Variants in GANC observed in about 807,000 individuals in gnomAD.
The protein encoded by GANC is neutral alpha-glucosidase C.
In GANC, 117 loss-of-function variants were observed where a neutral mutation model predicts 124.2. That is an observed-to-expected ratio of 0.94 (90% CI 0.81 to 1.10). GANC has a LOEUF of 1.10. Among genes scored for constraint, GANC ranks in the 50% least tolerant of loss-of-function variants. The pLI is 0.00. For missense variants in GANC, 1,140 were observed against 1,095.0 expected, an observed-to-expected ratio of 1.04 and a Z score of -0.58; for synonymous variants, 377 against 376.8, an observed-to-expected ratio of 1.00 and a Z score of -0.01.
intron 19 of GANC, chr15:42,343,403 C>G (rs1404351716): frequency 8.5e-6 from 4 of 468,454 alleles, no homozygotes; most frequent in Admixed American, 6.8e-5. Context: ...CACACTTTGA[C>G]TAGTAAAAGT....
intron 22 of GANC, among the ~76,000 whole-genome samples, chr15:42,351,014 G>A: frequency 6.6e-6 from 1 of 151,872 alleles, no homozygotes; most frequent in Non-Finnish European, 1.5e-5. Flanking sequence ...TGGGACTACA[G>A]GCACCCACCA....
intron 8 of GANC, among the ~76,000 whole-genome samples, chr15:42,309,652 C>T (rs1275535104): frequency 1.3e-5 from 2 of 151,812 alleles, no homozygotes; most frequent in African/African-American, 4.8e-5. Context: ...GAGAAGTACT[C>T]ACAAAATTCA....
In GANC at chr15:42,310,705, C is replaced by A. The variant is rs760610447; in HGVS notation, c.916C>A (p.Gln306Lys). 1.9e-6 allele frequency: 3 copies of A among 1,611,136 alleles called. No individual in the cohort carries two copies. Among genetic ancestry groups the A allele is most frequent in the Non-Finnish European group, 2.5e-6 (3 of 1,177,388 alleles). The change falls in exon 10 of 24, where the codon CAG becomes AAG. Residue 306 changes from glutamine (Q) to lysine (K), a missense_variant. Transcript: ENST00000318010. Reference protein sequence around the residue: ...TEPAVEYTLTQMGPVAAKQKV... With the variant: ...TEPAVEYTLTKMGPVAAKQKV... Reference sequence around the variant, plus strand: ...ATTCTTTTTCCAGTACACACTGACCCAGATGGGCCCAGTTGCTGCTAAACA... The same window carrying A: ...ATTCTTTTTCCAGTACACACTGACCAAGATGGGCCCAGTTGCTGCTAAACA...
At chr15:42,293,413 T>C (rs1241739740) in intron 5 of GANC, among the ~76,000 whole-genome samples, 1 of 152,164 alleles carries the variant, frequency 6.6e-6, no homozygotes, top group Non-Finnish European at 1.5e-5. Context: ...TTTAAATCTT[T>C]TAGTCTATAG....
intron 12 of GANC, 80 bp downstream of exon 12, chr15:42,326,504 C>G: frequency 1.3e-6 from 2 of 1,571,394 alleles, no homozygotes; most frequent in Admixed American, 1.7e-5. Flanking sequence ...TCATTCTGCT[C>G]CCTTGTAGAT....
chr15:42,333,669 A>C (rs2052263383), intron 15 of GANC, among the ~76,000 whole-genome samples: 1 of 152,158 alleles, frequency 6.6e-6, no homozygotes, highest in South Asian at 2.1e-4. Flanking sequence ...CTCATCTATA[A>C]AATTGAGTTT....
At chr15:42,301,350 T>C (rs751066560) in intron 6 of GANC, among the ~76,000 whole-genome samples, 11 of 152,130 alleles carry the variant, frequency 7.2e-5, no homozygotes, top group Non-Finnish European at 1.6e-4. Flanking sequence ...ACTTCTCCCA[T>C]GGTCTTGGTA....
In GANC at chr15:42,287,691, G is replaced by A. The variant is rs1201856906; in HGVS notation, c.202G>A (p.Val68Ile). The A allele has an allele frequency of 1.2e-6, 2 of 1,610,118 alleles. No individual in the cohort carries two copies. Among genetic ancestry groups the A allele is most frequent in the Non-Finnish European group, 1.7e-6 (2 of 1,178,614 alleles). ...GGTAATCTCTTGTATCTGTTTCCAG[G>A]TTCCTCTCCTGGCTGAAATTTATGG... ...RFQIINEASK[V>I]PLLAEIYGIE... The change falls in exon 4 of 24, where the codon GTT (valine) becomes ATT (isoleucine). Residue 68 changes from valine (V) to isoleucine (I), a missense_variant and splice_region_variant. Coordinates refer to ENST00000318010, the MANE Select transcript of GANC (RefSeq NM_198141.3).
intron 10 of GANC, among the ~76,000 whole-genome samples, chr15:42,313,047 A>G (rs569827390): frequency 3.3e-5 from 5 of 152,200 alleles, no homozygotes; most frequent in Admixed American, 6.5e-5. Context: ...TGGCCACCCA[A>G]AACACTGGGA....
rs184850629 is a variant in GANC at position 42,273,913 on chromosome 15, T to G, written c.-569T>G. ...TACACGCGATTCCTAGACTGGGTAG[T>G]GTAACAACCTTCAAAGGCCCCTTCT... On this transcript the variant is annotated 5_prime_UTR_variant, in exon 1 of 24. Coordinates refer to ENST00000318010, the MANE Select transcript of GANC (RefSeq NM_198141.3). 4 of 192,556 alleles carry G rather than the reference T, an allele frequency of 2.1e-5. No homozygotes were observed. The highest frequency in any genetic ancestry group is 9.5e-5 in the African/African-American group (4 of 42,264). The allele number at this position is 192,556 out of a possible 1,614,324, so 11.9% of individuals were successfully genotyped here. A position where few individuals can be genotyped will look rare whatever the true frequency, so the allele number is the denominator to read the frequency against.
chr15:42,274,178 G>A lies in GANC; in HGVS notation c.-304G>A, dbSNP rs2051625179. 5.0e-6 allele frequency: 2 copies of A among 396,150 alleles called. No homozygotes were observed. Among genetic ancestry groups the A allele is most frequent in the African/African-American group, 2.1e-5 (1 of 47,640 alleles). The allele number at this position is 396,150 out of a possible 1,614,324, so 24.5% of individuals were successfully genotyped here. On this transcript the variant is annotated 5_prime_UTR_variant, in exon 1 of 24. Coordinates refer to ENST00000318010, the MANE Select transcript of GANC (RefSeq NM_198141.3). ...ATTTTTACCCTCTAGGACTCATTGC[G>A]TACACGCCCTCACCGCCGCCCAGTT...
rs908953268 is a variant in GANC, at chr15:42,337,179, C to T, written c.1742-1210C>T. Among the ~76,000 whole-genome samples, 14 of 152,250 alleles carry T rather than the reference C, an allele frequency of 9.2e-5. No individual in the cohort carries two copies. In the South Asian group the frequency reaches 1.0e-3, roughly 11 times the overall value. ...AATCATTCTGTCATAAAGACACATG[C>T]GCGTGTATGTTTACTGCAGCACCTG... On this transcript the variant is annotated intron_variant, in intron 15 of 23. Transcript: ENST00000318010.
chr15:42,340,633 A>T, intron 17 of GANC, 57 bp from the exon 18 acceptor site: 14 of 1,113,096 alleles, frequency 1.3e-5, no homozygotes, highest in Non-Finnish European at 1.6e-5. Context: ...AATATAAGTG[A>T]TTGATTGCAA....
intron 4 of GANC, among the ~76,000 whole-genome samples, chr15:42,288,577 A>G (rs557212017): frequency 1.7e-4 from 26 of 152,356 alleles, no homozygotes; most frequent in Admixed American, 5.9e-4. Context: ...AGGTCAATAC[A>G]TTATAATGAG....
At chr15:42,311,769 G>C (rs958006861) in intron 10 of GANC, among the ~76,000 whole-genome samples, 19 of 152,002 alleles carry the variant, frequency 1.2e-4, no homozygotes, top group African/African-American at 4.3e-4. Context: ...CTCCCACCAG[G>C]CTCCTCTTCC....
At chr15:42,341,605 C>A (rs935651759) in intron 18 of GANC, among the ~76,000 whole-genome samples, 1 of 151,780 alleles carries the variant, frequency 6.6e-6, no homozygotes, top group Admixed American at 6.6e-5. Context: ...ACTTTGTCAC[C>A]CAGGCTGGAG....
chr15:42,348,980 A>G (rs1285235243), intron 21 of GANC, among the ~76,000 whole-genome samples: 2 of 152,252 alleles, frequency 1.3e-5, no homozygotes, highest in Admixed American at 1.3e-4. Context: ...AAGGAAGCAG[A>G]TACCATTCTC....
chr15:42,284,076 T>C lies in GANC; in HGVS notation c.202-3615T>C, dbSNP rs764886908. 194 of 684,040 alleles carry C rather than the reference T, an allele frequency of 2.8e-4. 1 individual carries two copies. Among genetic ancestry groups the C allele is most frequent in the Admixed American group, 5.3e-4 (26 of 48,854 alleles). The allele number at this position is 684,040 out of a possible 1,614,324, so 42.4% of individuals were successfully genotyped here. On this transcript the variant is annotated intron_variant, in intron 3 of 23. Transcript: ENST00000318010. Reference sequence around the variant, plus strand: ...GTAGAGGTGGCCACTCACTGTTCTATGTCTTTTAGGTTAACAGTTCTTTAC... The same window carrying C: ...GTAGAGGTGGCCACTCACTGTTCTACGTCTTTTAGGTTAACAGTTCTTTAC...
At position 42,339,764 on chromosome 15, in the gene GANC, A is replaced by T. The variant is rs759163473; in HGVS notation, c.1939A>T (p.Thr647Ser). The T allele has an allele frequency of 2.5e-6, 4 of 1,613,970 alleles. No individual in the cohort carries two copies. In the South Asian group the frequency reaches 4.4e-5, roughly 18 times the overall value. ...CCAGCCCTTCTTCCGTGGCCATGCC[A>T]CCATGAACACCAAGCGACGAGAGCC... ...AYQPFFRGHA[T>S]MNTKRREPWL... Residue 647 changes from threonine (T) to serine (S), a missense_variant, in exon 17 of 24, where the codon ACC (threonine) becomes TCC (serine). Physicochemically the swap from Thr to Ser is moderately conservative, Grantham distance 58. Coordinates refer to ENST00000318010, the MANE Select transcript of GANC (RefSeq NM_198141.3).
Sources: gnomAD v4.1 joint callset for allele counts (sites outside exome capture counted in the v4.1 genomes callset) on GRCh38, gnomAD v4.1.1 for gene constraint, MANE v1.5 for transcripts, NCBI Gene and HGNC (gene_info 2026-07-23, HGNC 2026-07-21) for gene names.